The following LYAR variants were observed in gnomAD, a reference collection of about 807,000 sequenced individuals.
The protein encoded by LYAR is cell growth-regulating nucleolar protein.
A neutral mutation model predicts 45.2 loss-of-function variants in LYAR; 37 were observed. The observed-to-expected ratio is 0.82, with a 90% confidence interval of 0.63 to 1.08. The LOEUF is 1.08. Ranked by LOEUF, LYAR falls within the 50% of genes least tolerant of loss-of-function variation. The probability of loss-of-function intolerance (pLI) is 0.00; values close to 1 mark genes in which losing one functional copy is unlikely to be tolerated. For missense variants in LYAR, 493 were observed against 451.0 expected, an observed-to-expected ratio of 1.09 and a Z score of -0.84; for synonymous variants, 176 against 155.1, an observed-to-expected ratio of 1.14 and a Z score of -1.00.
At chr4:4,280,282 G>A (rs1198371883) in intron 4 of LYAR, among the ~76,000 whole-genome samples, 1 of 152,084 alleles carries the variant, frequency 6.6e-6, no homozygotes, top group African/African-American at 2.4e-5. Flanking sequence ...ACAAATAAAT[G>A]AAAAACATTC....
rs200051510 is a variant in LYAR, at chr4:4,279,450, G to A, written c.426C>T (p.Asn142=). 1.8e-5 allele frequency: 29 copies of A among 1,604,402 alleles called. No individual in the cohort carries two copies. Among genetic ancestry groups the A allele is most frequent in the Middle Eastern group, 1.7e-4 (1 of 6,024 alleles). ...TCTAAAATCAGATCTGACTTACGCTGTTGGAAGCTTCAGAAAAGATATTCC... is the reference window on the plus strand; with the variant it reads ...TCTAAAATCAGATCTGACTTACGCTATTGGAAGCTTCAGAAAAGATATTCC... ...QVWNIFSEAS[N]SEPVNKEQDQ... is the part of the protein sequence containing the mutation. The change falls in exon 6 of 10, where the codon AAC becomes AAT. Residue 142 remains asparagine, a synonymous_variant. Coordinates refer to ENST00000343470, the MANE Select transcript of LYAR (RefSeq NM_017816.3).
At chr4:4,269,682 G>C (rs192855933) in intron 8 of LYAR, among the ~76,000 whole-genome samples, 2 of 152,312 alleles carry the variant, frequency 1.3e-5, no homozygotes, top group East Asian at 3.9e-4. Context: ...TCATGTGAGA[G>C]AAAGCCAGTT....
At chr4:4,279,562 A>C (rs772420193) in intron 5 of LYAR, 32 bp from the exon 6 acceptor site, 4 of 1,573,356 alleles carry the variant, frequency 2.5e-6, no homozygotes, top group Non-Finnish European at 3.5e-6. Flanking sequence ...AGAACTATTG[A>C]TCCCACTTGG....
intron 1 of LYAR, among the ~76,000 whole-genome samples, chr4:4,287,948 G>T (rs188613519): frequency 1.3e-5 from 2 of 152,306 alleles, no homozygotes; most frequent in African/African-American, 4.8e-5. Flanking sequence ...AGCAGCCAGT[G>T]GTCACTAAGG....
At chr4:4,268,708 A>T (rs1263100102) in intron 8 of LYAR, 93 bp from the exon 9 acceptor site, 4 of 765,888 alleles carry the variant, frequency 5.2e-6, no homozygotes, top group East Asian at 5.4e-5. Context: ...TTTGCTTCCC[A>T]GGAAATGAGC....
At chr4:4,268,443 G>A in intron 9 of LYAR, 87 bp downstream of exon 9, 1 of 912,276 alleles carries the variant, frequency 1.1e-6, no homozygotes, top group Non-Finnish European at 1.7e-6. Flanking sequence ...AGTGTTTTAG[G>A]TGAAAAAAGA....
chr4:4,288,282 A>T (rs1453711704), intron 1 of LYAR, among the ~76,000 whole-genome samples: 2 of 151,914 alleles, frequency 1.3e-5, no homozygotes, highest in African/African-American at 4.8e-5. Flanking sequence ...CCCCCTCCTA[A>T]ACCCATGCTC....
chr4:4,284,286 T>C (rs1560097757), intron 2 of LYAR, among the ~76,000 whole-genome samples: 1 of 152,196 alleles, frequency 6.6e-6, no homozygotes, highest in Non-Finnish European at 1.5e-5. Flanking sequence ...AGGTGTACAC[T>C]ACAAACTATT....
chr4:4,281,750 A>G (rs1289430766), intron 4 of LYAR, 33 bp downstream of exon 4: 1 of 1,478,302 alleles, frequency 6.8e-7, no homozygotes, highest in South Asian at 1.1e-5. Context: ...AAGCTGTCAG[A>G]GGAAGCTACT....
chr4:4,279,880 A>G, intron 4 of LYAR, 131 bp from the exon 5 acceptor site: 1 of 620,286 alleles, frequency 1.6e-6, no homozygotes, highest in Non-Finnish European at 2.8e-6. Context: ...ATTTATGTCT[A>G]TGCTTAAAAA....
At chr4:4,275,902 G>A (rs546256914) in intron 6 of LYAR, among the ~76,000 whole-genome samples, 1 of 152,234 alleles carries the variant, frequency 6.6e-6, no homozygotes, top group East Asian at 1.9e-4. Flanking sequence ...CACCATGTTG[G>A]CCAGGCTGAT....
rs1719489882 is a variant in LYAR at position 4,283,637 on chromosome 4, A to G, written c.106T>C (p.Cys36Arg). 6.2e-7 allele frequency: 1 copy of G among 1,612,378 alleles called. No individual in the cohort carries two copies. The highest frequency in any genetic ancestry group is 8.5e-7 in the Non-Finnish European group (1 of 1,179,832). ...GAAGCTTACCAGAAATCTTTACCGC[A>G]GTCAATGCAAGAAAGGCATTCACAG... is the stretch of plus-strand genomic sequence containing the variant. Reference protein sequence around the residue: ...RNCECLSCIDCGKDFWGDDYK... With the variant: ...RNCECLSCIDRGKDFWGDDYK... Residue 36 changes from cysteine to arginine, a missense_variant, in exon 3 of 10, where the codon TGC becomes CGC. Transcript: ENST00000343470.
intron 8 of LYAR, among the ~76,000 whole-genome samples, chr4:4,273,163 G>A (rs1334107911): frequency 6.6e-6 from 1 of 152,140 alleles, no homozygotes; most frequent in African/African-American, 2.4e-5. Context: ...GCTATATTGG[G>A]CTTATTTAAA....
In LYAR at chr4:4,279,761, G is replaced by T. The variant is rs375843441; in HGVS notation, c.238-12C>A. On this transcript the variant is annotated splice_polypyrimidine_tract_variant and intron_variant, in intron 4 of 9. Coordinates refer to ENST00000343470, the MANE Select transcript of LYAR (RefSeq NM_017816.3). ...AATTCACTAATTTTCTACAAAAAGG[G>T]AAGAAAAAAGAAAAACTATTAATAA... 23 of 1,505,802 alleles carry T rather than the reference G, an allele frequency of 1.5e-5. No homozygotes were observed. The African/African-American group carries it at 2.9e-4, about 19-fold the overall frequency. 93.3% of individuals were successfully genotyped at this position (1,505,802 alleles called of 1,614,324 possible). A position where few individuals can be genotyped will look rare whatever the true frequency, so the allele number is the denominator to read the frequency against.
At chr4:4,283,029 A>T (rs1032334433) in intron 3 of LYAR, among the ~76,000 whole-genome samples, 2 of 152,212 alleles carry the variant, frequency 1.3e-5, no homozygotes, top group African/African-American at 4.8e-5. Context: ...CTGGGTCTGT[A>T]AACAGTGGCA....
chr4:4,277,792 G>A (rs369764995), intron 6 of LYAR, among the ~76,000 whole-genome samples: 1 of 152,172 alleles, frequency 6.6e-6, no homozygotes, highest in South Asian at 2.1e-4. Flanking sequence ...CTGTGATGGG[G>A]TAGAGGACAG....
intron 4 of LYAR, among the ~76,000 whole-genome samples, chr4:4,280,673 CAG>C (rs1238577875): frequency 6.6e-6 from 1 of 152,170 alleles, no homozygotes; most frequent in African/African-American, 2.4e-5. Context: ...TAGAGAATTA[CAG>C]AGAGTGCTCA....
chr4:4,285,914 G>C (rs1013227457), intron 2 of LYAR, among the ~76,000 whole-genome samples: 1 of 152,220 alleles, frequency 6.6e-6, no homozygotes, highest in African/African-American at 2.4e-5. Context: ...AGATACTCAA[G>C]AGTAACTGTG....
intron 6 of LYAR, among the ~76,000 whole-genome samples, chr4:4,276,582 T>A (rs3116066): frequency 0.75 from 113,349 of 151,118 alleles, 45,504 homozygotes; most frequent in East Asian, 0.95. Flanking sequence ...GTAGGCCGGG[T>A]GCGGTGGCTC....
Sources: gnomAD v4.1 joint callset for allele counts (sites outside exome capture counted in the v4.1 genomes callset) on GRCh38, gnomAD v4.1.1 for gene constraint, MANE v1.5 for transcripts, NCBI Gene and HGNC (gene_info 2026-07-23, HGNC 2026-07-21) for gene names.